TUBA1C: variants seen among roughly 807,000 people sequenced by gnomAD.
TUBA1C encodes the protein tubulin alpha 1c.
TUBA1C carries 16 observed loss-of-function variants against 34.9 expected under a neutral mutation model. The ratio of observed to expected loss-of-function variants is 0.46; its 90% CI spans 0.31 to 0.70. TUBA1C has a LOEUF of 0.70. TUBA1C is among the 30% of genes least tolerant of loss of function. TUBA1C has a pLI of 0.05. For missense variants in TUBA1C, 329 were observed against 587.3 expected, an observed-to-expected ratio of 0.56 and a Z score of 4.55; for synonymous variants, 177 against 215.9, an observed-to-expected ratio of 0.82 and a Z score of 1.58.
At chr12:49,255,740 AT>A (rs1942777516) in intron 1 of TUBA1C, among the ~76,000 whole-genome samples, 1 of 151,550 alleles carries the variant, frequency 6.6e-6, no homozygotes, top group East Asian at 1.9e-4. Context: ...TAATTTTTAT[AT>A]TTTTATTAGA....
intron 1 of TUBA1C, among the ~76,000 whole-genome samples, chr12:49,256,934 C>G (rs1942789900): frequency 6.6e-6 from 1 of 152,104 alleles, no homozygotes; most frequent in Admixed American, 6.6e-5. Context: ...AATCCTAACA[C>G]TTTGGGAGGC....
chr12:49,272,987 G>C lies in TUBA1C; in HGVS notation c.1110G>C (p.Lys370Asn). The stretch of plus-strand genomic sequence containing the variant: ...TGGTGCCTGGCGGAGACCTGGCCAA[G>C]GTACAGAGAGCTGTGTGCATGCTGA... ...PTVVPGGDLA[K>N]VQRAVCMLSN... is the part of the protein sequence containing the mutation. The change falls in exon 4 of 4, where the codon AAG becomes AAC. Residue 370 changes from lysine (K) to asparagine (N), a missense_variant. By Grantham distance (94) the Lys-to-Asn change is moderately conservative. Transcript: ENST00000301072. 6.2e-7 allele frequency: 1 copy of C among 1,614,244 alleles called. No individual in the cohort carries two copies. The highest frequency in any genetic ancestry group is 1.3e-5 in the African/African-American group (1 of 75,068).
chr12:49,240,731 G>A (rs958952921), intron 1 of TUBA1C, among the ~76,000 whole-genome samples: 2 of 152,138 alleles, frequency 1.3e-5, no homozygotes, highest in African/African-American at 2.4e-5. Flanking sequence ...GGCACTACAG[G>A]CGTGCACCAC....
At chr12:49,239,646 G>GAA (rs879574051) in intron 1 of TUBA1C, among the ~76,000 whole-genome samples, 1 of 116,096 alleles carries the variant, frequency 8.6e-6, no homozygotes, top group African/African-American at 3.1e-5. Flanking sequence ...GTCTCAAAAA[G>GAA]AAAAAAAAAA....
chr12:49,248,236 C>T (rs1345998856), intron 1 of TUBA1C, among the ~76,000 whole-genome samples: 1 of 148,138 alleles, frequency 6.8e-6, no homozygotes, highest in Non-Finnish European at 1.5e-5. Context: ...GATAGAGCCA[C>T]TACACTCCAG....
exon 1 of TUBA1C, chr12:49,228,147 A>G (rs1411104141): frequency 2.6e-6 from 4 of 1,535,576 alleles, no homozygotes; most frequent in Non-Finnish European, 3.5e-6. Flanking sequence ...AGCAGAGGAG[A>G]ACCTGGCTGT....
At chr12:49,242,113 C>T (rs943475220) in intron 1 of TUBA1C, among the ~76,000 whole-genome samples, 26 of 151,996 alleles carry the variant, frequency 1.7e-4, no homozygotes, top group South Asian at 1.0e-3. Context: ...CCTCAGCCTC[C>T]CGAGTAACTG....
intron 1 of TUBA1C, among the ~76,000 whole-genome samples, chr12:49,267,297 G>T (rs1942927490): frequency 6.6e-6 from 1 of 152,228 alleles, no homozygotes; most frequent in East Asian, 1.9e-4. Context: ...GGGCCTGGGG[G>T]CCATCATGAT....
upstream of TUBA1C, chr12:49,264,847 CCTCCCCT>C (rs1942881208): frequency 6.6e-6 from 1 of 152,192 alleles, no homozygotes; most frequent in Admixed American, 6.7e-5. Context: ...TCCTCCCCTT[CCTCCCCT>C]TCCTCCCCTT....
intron 1 of TUBA1C, among the ~76,000 whole-genome samples, chr12:49,266,161 C>T (rs1014872567): frequency 2.5e-4 from 37 of 148,898 alleles, no homozygotes; most frequent in Non-Finnish European, 4.7e-4. Context: ...CGCGGTGGCT[C>T]ACGCCTGTAA....
In TUBA1C at chr12:49,272,783, G is replaced by A; in HGVS notation, c.906G>A (p.Met302Ile). ...CTTGCTTTGAGCCAGCCAACCAGAT[G>A]GTGAAATGTGACCCTCGCCATGGTA... ...TNACFEPANQ[M>I]VKCDPRHGKY... Residue 302 changes from methionine (M) to isoleucine (I), a missense_variant, in exon 4 of 4, where the codon ATG becomes ATA. Transcript: ENST00000301072. 6.2e-7 allele frequency: 1 copy of A among 1,613,916 alleles called. No individual in the cohort carries two copies.
intron 1 of TUBA1C, among the ~76,000 whole-genome samples, chr12:49,237,245 C>T (rs181490193): frequency 1.3e-5 from 2 of 151,286 alleles, no homozygotes; most frequent in Admixed American, 6.6e-5. Context: ...CATGGAGAAA[C>T]CCCATCTCTA....
chr12:49,264,270 T>C (rs890762317), upstream of TUBA1C, among the ~76,000 whole-genome samples: 1 of 150,856 alleles, frequency 6.6e-6, no homozygotes, highest in African/African-American at 2.4e-5. Context: ...TCAAAAAATG[T>C]AAGCTATTCA....
intron 1 of TUBA1C, 87 bp downstream of exon 1, chr12:49,265,271 G>C (rs954488975): frequency 8.8e-7 from 1 of 1,138,822 alleles, no homozygotes; most frequent in Non-Finnish European, 1.2e-6. Flanking sequence ...CTCGGGCCGC[G>C]CCCAGGACAG....
upstream of TUBA1C, among the ~76,000 whole-genome samples, chr12:49,261,344 C>T (rs1942838704): frequency 6.6e-6 from 1 of 152,132 alleles, no homozygotes; most frequent in African/African-American, 2.4e-5. Context: ...AGTAACCTTA[C>T]CATAGGACTA....
chr12:49,248,376 C>T (rs958339348), intron 1 of TUBA1C, among the ~76,000 whole-genome samples: 1 of 151,884 alleles, frequency 6.6e-6, no homozygotes, highest in Admixed American at 6.6e-5. Flanking sequence ...TCAAAACCAG[C>T]CTGGCCAACA....
Position 49,265,176 on chromosome 12 carries a change from C to T in TUBA1C, c.-6C>T. 1 of 1,603,962 alleles carries T rather than the reference C, an allele frequency of 6.2e-7. No homozygotes were observed. Among genetic ancestry groups the T allele is most frequent in the Non-Finnish European group, 8.5e-7 (1 of 1,173,142 alleles). On this transcript the variant is annotated 5_prime_UTR_variant, in exon 1 of 4. Transcript: ENST00000301072. ...TCACCGCCGCAGACCCCTTCAAGTT[C>T]TAGTCATGGTGAGTGGGGTTCCCTC...
At chr12:49,231,848 C>A (rs1197858512) in intron 1 of TUBA1C, among the ~76,000 whole-genome samples, 1 of 152,222 alleles carries the variant, frequency 6.6e-6, no homozygotes, top group East Asian at 1.9e-4. Context: ...TGCGCCTGGC[C>A]TTCTGTTACT....
At chr12:49,246,264 A>G (rs1942666244) in intron 1 of TUBA1C, among the ~76,000 whole-genome samples, 1 of 151,320 alleles carries the variant, frequency 6.6e-6, no homozygotes, top group African/African-American at 2.4e-5. Flanking sequence ...TACAGGCGTG[A>G]GCCACTGCAT....
Sources: gnomAD v4.1 joint callset for allele counts (sites outside exome capture counted in the v4.1 genomes callset) on GRCh38, gnomAD v4.1.1 for gene constraint, MANE v1.5 for transcripts, NCBI Gene and HGNC (gene_info 2026-07-23, HGNC 2026-07-21) for gene names.